The following AGRN variants were observed in gnomAD, a reference collection of about 807,000 sequenced individuals.
AGRN encodes the protein agrin, also known as agrin proteoglycan.
AGRN carries 106 observed loss-of-function variants against 211.0 expected under a neutral mutation model. The observed-to-expected ratio is 0.50, with a 90% CI of 0.43 to 0.59. AGRN has a LOEUF of 0.59. AGRN is among the 20% of genes least tolerant of loss of function. AGRN has a pLI of 0.00. For synonymous variants in AGRN, 1,525 were observed against 1,332.5 expected (o/e 1.14, Z -3.15); for missense variants, 3,040 against 2,982.6 (o/e 1.02, Z -0.45).
At chr1:1,034,188 G>T in intron 2 of AGRN, 1 of 985,392 alleles carries the variant, frequency 1.0e-6, no homozygotes, top group African/African-American at 1.7e-5. Context: ...CACCTGCCGC[G>T]CGCACCGCCT....
intron 2 of AGRN, among the ~76,000 whole-genome samples, chr1:1,029,494 G>C (rs1331607758): frequency 7.0e-6 from 1 of 143,404 alleles, no homozygotes; most frequent in Non-Finnish European, 1.5e-5. Flanking sequence ...GAGAATTGAG[G>C]CTGGGGCTGG....
chr1:1,047,247 C>T (rs1468719484), intron 19 of AGRN, 80 bp from the exon 20 acceptor site: 15 of 1,528,556 alleles, frequency 9.8e-6, no homozygotes, highest in Non-Finnish European at 1.3e-5. Context: ...ACCCTTGTGG[C>T]TTGCTGCTGG....
At chr1:1,054,194 C>T (rs1353292898) in intron 34 of AGRN, among the ~76,000 whole-genome samples, 1 of 152,236 alleles carries the variant, frequency 6.6e-6, no homozygotes, top group Admixed American at 6.5e-5. Flanking sequence ...CTGCCCGGAG[C>T]CTGCCGGGGG....
intron 12 of AGRN, 34 bp from the exon 13 acceptor site, chr1:1,045,127 G>A: frequency 6.2e-7 from 1 of 1,604,360 alleles, no homozygotes; most frequent in South Asian, 1.1e-5. Context: ...GTCCAGCACT[G>A]CATGAAATCT....
intron 34 of AGRN, among the ~76,000 whole-genome samples, 167 bp from the exon 35 acceptor site, chr1:1,054,281 G>A (rs981537938): frequency 1.3e-5 from 2 of 152,230 alleles, no homozygotes; most frequent in African/African-American, 4.8e-5. Context: ...GGCTCCCAGT[G>A]CCCTCCTTGG....
At position 1,033,281 on chromosome 1, in the gene AGRN, C is replaced by T. The variant is rs1570165218; in HGVS notation, c.464-1996C>T. ...TCTGGGCCGCTCACCTCACTCCACC[C>T]TCCAGCTCGCGCCGCACCTGGGGCC... On this transcript the variant is annotated intron_variant, in intron 2 of 35. Transcript: ENST00000379370. Among the ~76,000 whole-genome samples the T allele has an allele frequency of 2.6e-5, 4 of 152,206 alleles. 1 individual carries two copies. Among genetic ancestry groups the T allele is most frequent in the African/African-American group, 7.2e-5 (3 of 41,542 alleles).
At chr1:1,025,818 C>T (rs1450237001) in intron 2 of AGRN, among the ~76,000 whole-genome samples, 1 of 151,896 alleles carries the variant, frequency 6.6e-6, no homozygotes, top group African/African-American at 2.4e-5. Context: ...GGGGCCCCAC[C>T]TCTGTTTCTC....
chr1:1,020,480 C>A, intron 1 of AGRN, 107 bp downstream of exon 1: 1 of 1,153,542 alleles, frequency 8.7e-7, no homozygotes, highest in Non-Finnish European at 1.1e-6. Flanking sequence ...GCCCCCGCTC[C>A]GGCTCCCTTG....
rs1173191818 is a variant in AGRN at position 1,031,734 on chromosome 1, C to G, written c.464-3543C>G. Among the ~76,000 whole-genome samples the G allele has an allele frequency of 6.6e-6, 1 of 152,216 alleles. No individual in the cohort carries two copies. The highest frequency in any genetic ancestry group is 1.5e-5 in the Non-Finnish European group (1 of 68,026). On this transcript the variant is annotated intron_variant, in intron 2 of 35. Transcript: ENST00000379370. This position sits in a 1 kb window ranked among gnomAD's most constrained non-coding sequence, Gnocchi z 4.8. ...TGAGGCCCCCTCTGCCAGCCCGTACCTGGGGCTCCCCCACCCCTCCCACAT... is the reference window on the plus strand; with the variant it reads ...TGAGGCCCCCTCTGCCAGCCCGTACGTGGGGCTCCCCCACCCCTCCCACAT...
chr1:1,021,791 A>G (rs115025567), intron 1 of AGRN, among the ~76,000 whole-genome samples: 2,850 of 151,612 alleles, frequency 0.019, 52 homozygotes, highest in African/African-American at 0.046. Context: ...CCCTTACCCC[A>G]ACGCCCCATC....
At position 1,050,856 on chromosome 1, in the gene AGRN, G is replaced by A. The variant is rs369428707; in HGVS notation, c.5253+19G>A. On this transcript the variant is annotated intron_variant, in intron 30 of 35. Coordinates refer to ENST00000379370, the MANE Select transcript of AGRN (RefSeq NM_198576.4). ...GTCCCCGGTGAGTGCTCTGGGCCGC[G>A]AGGGGACTCCCGCTGCTGCCTGCTC... The A allele has an allele frequency of 1.1e-4, 164 of 1,539,920 alleles. No individual in the cohort carries two copies. Among genetic ancestry groups the A allele is most frequent in the Non-Finnish European group, 1.2e-4 (139 of 1,143,732 alleles).
chr1:1,053,294 CAT>C, intron 33 of AGRN: 1 of 473,546 alleles, frequency 2.1e-6, no homozygotes, highest in Non-Finnish European at 3.4e-6. Context: ...TCCGCACAAG[CAT>C]GTGTAGGTGT....
intron 3 of AGRN, among the ~76,000 whole-genome samples, chr1:1,038,438 A>G (rs1268121950): frequency 2.0e-5 from 3 of 152,224 alleles, no homozygotes; most frequent in Admixed American, 6.5e-5. Flanking sequence ...TGCCCCTGCA[A>G]GCAGTCCAGC....
rs1483957601 is a variant in AGRN, at chr1:1,034,305, G to A, written c.464-972G>A. ...GCTGCGGGCTCCCAGTCCCTCCTCC[G>A]CCTACCTCGGAGCCCACATTTGGGA... On this transcript the variant is annotated intron_variant, in intron 2 of 35. Transcript: ENST00000379370. 9 of 985,220 alleles carry A rather than the reference G, an allele frequency of 9.1e-6. No homozygotes were observed. The South Asian group carries it at 2.8e-4, about 31-fold the overall frequency. The allele number at this position is 985,220 out of a possible 1,614,324, so 61.0% of individuals were successfully genotyped here.
chr1:1,045,524 G>T lies in AGRN; in HGVS notation c.2536+1G>T, dbSNP rs768152062. The T allele has an allele frequency of 1.9e-6, 3 of 1,612,646 alleles. No individual in the cohort carries two copies. Among genetic ancestry groups the T allele is most frequent in the Non-Finnish European group, 2.5e-6 (3 of 1,179,894 alleles). ...ACCGATGGCCGGAGTGGCTGTACAC[G>T]TGAGTGACAGGGCCCAGGACTGGCC... is the stretch of plus-strand genomic sequence containing the variant. On this transcript the variant is annotated splice_donor_variant, in intron 14 of 35. Coordinates refer to ENST00000379370, the MANE Select transcript of AGRN (RefSeq NM_198576.4). LOFTEE classifies it high-confidence loss of function.
intron 2 of AGRN, among the ~76,000 whole-genome samples, chr1:1,022,863 C>T (rs542372281): frequency 1.5e-4 from 23 of 152,346 alleles, no homozygotes; most frequent in East Asian, 1.4e-3. Flanking sequence ...CACTCCTCGC[C>T]GTGGAGATCG....
chr1:1,054,724 G>A (rs1302885979), intron 35 of AGRN, 100 bp from the exon 36 acceptor site: 12 of 1,508,718 alleles, frequency 8.0e-6, no homozygotes, highest in Admixed American at 2.0e-5. Flanking sequence ...GCCGGGAGGC[G>A]GGTGCCCAGG....
intron 13 of AGRN, 36 bp downstream of exon 13, chr1:1,045,313 G>C: frequency 1.2e-6 from 2 of 1,612,054 alleles, no homozygotes; most frequent in South Asian, 1.1e-5. Flanking sequence ...CCCGGGCCTG[G>C]TGCGGCTGTG....
At chr1:1,020,502 G>T in intron 1 of AGRN, 129 bp downstream of exon 1, 1 of 896,880 alleles carries the variant, frequency 1.1e-6, no homozygotes, top group Non-Finnish European at 1.5e-6. Context: ...CGACCGCCAA[G>T]CCCCGGGAGG....
Sources: allele counts gnomAD v4.1 joint callset (sites outside exome capture counted in the v4.1 genomes callset), GRCh38; gene constraint gnomAD v4.1.1; non-coding constraint Gnocchi (gnomAD v3.1); transcripts MANE v1.5; gene names NCBI Gene and HGNC (gene_info 2026-07-23, HGNC 2026-07-21).